AKAP6: variants seen among roughly 807,000 people sequenced by gnomAD.
The protein encoded by AKAP6 is A-kinase anchoring protein 6.
In AKAP6, 58 loss-of-function variants were observed where a neutral mutation model predicts 188.5. The observed-to-expected ratio is 0.31, with a 90% confidence interval of 0.25 to 0.38. AKAP6 has a LOEUF of 0.38. Ranked by LOEUF, AKAP6 falls within the 10% of genes least tolerant of loss-of-function variation. The pLI, the probability that AKAP6 is intolerant of heterozygous loss-of-function variation, is 1.00. For synonymous variants in AKAP6, 989 were observed against 998.6 expected (o/e 0.99, Z 0.18); for missense variants, 2,710 against 2,740.0 (o/e 0.99, Z 0.24).
At chr14:32,335,708 T>A (rs763405042) in intron 1 of AKAP6, among the ~76,000 whole-genome samples, 12 of 152,164 alleles carry the variant, frequency 7.9e-5, no homozygotes, top group African/African-American at 2.9e-4. Context: ...GTTGGTTCAA[T>A]GTTTATATTA....
At chr14:32,371,930 C>T (rs1283912417) in intron 1 of AKAP6, among the ~76,000 whole-genome samples, 2 of 152,108 alleles carry the variant, frequency 1.3e-5, no homozygotes, top group Admixed American at 1.3e-4. Flanking sequence ...TCCTATTTCT[C>T]TTTCTCTCTC....
chr14:32,810,494 C>T (rs1248308693), intron 12 of AKAP6, among the ~76,000 whole-genome samples: 1 of 151,968 alleles, frequency 6.6e-6, no homozygotes, highest in Non-Finnish European at 1.5e-5. Flanking sequence ...CCCTTGAGGT[C>T]GCAAAAAGAA....
At chr14:32,358,388 CTGTT>C (rs1015424666) in intron 1 of AKAP6, among the ~76,000 whole-genome samples, 1 of 152,192 alleles carries the variant, frequency 6.6e-6, no homozygotes, top group African/African-American at 2.4e-5. Flanking sequence ...AACCAAAAAA[CTGTT>C]TGTTCTTGGC....
intron 1 of AKAP6, among the ~76,000 whole-genome samples, chr14:32,401,410 A>G (rs1889088178): frequency 6.6e-6 from 1 of 152,128 alleles, no homozygotes; most frequent in Non-Finnish European, 1.5e-5. Flanking sequence ...ATTTCAAATT[A>G]TGTTTTTTTA....
chr14:32,336,474 G>T (rs979305908), intron 1 of AKAP6, among the ~76,000 whole-genome samples: 3 of 152,100 alleles, frequency 2.0e-5, no homozygotes, highest in Admixed American at 6.6e-5. Context: ...AATATCATAT[G>T]CTAAGAGAAC....
intron 2 of AKAP6, among the ~76,000 whole-genome samples, chr14:32,529,305 G>A (rs181350213): frequency 5.3e-5 from 8 of 152,120 alleles, no homozygotes; most frequent in African/African-American, 1.7e-4. Flanking sequence ...ATTGACTTTT[G>A]TATATTAACC....
At chr14:32,466,623 C>T (rs1878450218) in intron 2 of AKAP6, among the ~76,000 whole-genome samples, 1 of 150,258 alleles carries the variant, frequency 6.7e-6, no homozygotes, top group African/African-American at 2.5e-5. Context: ...ATACCTAATG[C>T]ATGCGGGGCT....
At chr14:32,727,279 A>G (rs2030919864) in intron 9 of AKAP6, among the ~76,000 whole-genome samples, 2 of 151,978 alleles carry the variant, frequency 1.3e-5, no homozygotes, top group Non-Finnish European at 2.9e-5. Flanking sequence ...GTTTTCAGTT[A>G]TTTGTGTTTT....
intron 2 of AKAP6, among the ~76,000 whole-genome samples, chr14:32,488,295 A>C (rs867566044): frequency 1.3e-5 from 2 of 152,322 alleles, no homozygotes; most frequent in Middle Eastern, 3.4e-3. Context: ...GCCTCCACCC[A>C]GTCCAAACTT....
At chr14:32,440,046 A>G (rs1890519233) in intron 2 of AKAP6, among the ~76,000 whole-genome samples, 1 of 152,216 alleles carries the variant, frequency 6.6e-6, no homozygotes, top group Non-Finnish European at 1.5e-5. Flanking sequence ...ATAAAGAGCT[A>G]AACAATGAAT....
chr14:32,828,813 A>G (rs2034749815), intron 13 of AKAP6, among the ~76,000 whole-genome samples: 1 of 151,918 alleles, frequency 6.6e-6, no homozygotes, highest in South Asian at 2.1e-4. Flanking sequence ...ATTTCATCCC[A>G]TCTGTTTCTG....
intron 11 of AKAP6, among the ~76,000 whole-genome samples, chr14:32,771,594 G>T (rs2032899628): frequency 6.6e-6 from 1 of 152,122 alleles, no homozygotes; most frequent in Non-Finnish European, 1.5e-5. Flanking sequence ...CTTTGAAAAT[G>T]CCTATAAGGT....
At chr14:32,799,181 C>T (rs1323841032) in intron 12 of AKAP6, among the ~76,000 whole-genome samples, 1 of 152,110 alleles carries the variant, frequency 6.6e-6, no homozygotes, top group Non-Finnish European at 1.5e-5. Context: ...CTTCATTTAT[C>T]CTTGCTCTCC....
At chr14:32,552,185 T>G (rs529667240) in intron 4 of AKAP6, among the ~76,000 whole-genome samples, 1 of 152,210 alleles carries the variant, frequency 6.6e-6, no homozygotes, top group Non-Finnish European at 1.5e-5. Flanking sequence ...AAACTGAGTT[T>G]AGAAAGATGA....
At chr14:32,632,698 A>T (rs1566616241) in intron 7 of AKAP6, among the ~76,000 whole-genome samples, 2 of 152,100 alleles carry the variant, frequency 1.3e-5, no homozygotes, top group Non-Finnish European at 2.9e-5. Flanking sequence ...TGAAAGCTAT[A>T]AATGACGAGC....
chr14:32,654,820 G>A (rs953802474), intron 7 of AKAP6, among the ~76,000 whole-genome samples: 2 of 151,044 alleles, frequency 1.3e-5, no homozygotes, highest in African/African-American at 2.4e-5. Flanking sequence ...CTGCACTCCA[G>A]TCTGGGTGAC....
At chr14:32,750,888 C>CGG (rs1349581540) in intron 11 of AKAP6, among the ~76,000 whole-genome samples, 1 of 151,718 alleles carries the variant, frequency 6.6e-6, no homozygotes, top group Non-Finnish European at 1.5e-5. Context: ...GCGCCTGCCA[C>CGG]CATGCCCGGC....
intron 1 of AKAP6, among the ~76,000 whole-genome samples, chr14:32,354,235 A>G (rs1446754441): frequency 6.6e-6 from 1 of 151,964 alleles, no homozygotes; most frequent in Non-Finnish European, 1.5e-5. Flanking sequence ...TAACCAAAAC[A>G]GCATGGTACT....
rs1002174056 is a variant in AKAP6, at chr14:32,343,286, C to T, written c.-35+13878C>T. On this transcript the variant is annotated intron_variant, in intron 1 of 13. Coordinates refer to ENST00000280979, the MANE Select transcript of AKAP6 (RefSeq NM_004274.5). ...GTGTGTAAAGCACCTAGCAGAGTGC[C>T]TAGGATACAGGAGGTGCTCTGGAGT... 2.0e-5 allele frequency among the ~76,000 whole-genome samples: 3 copies of T among 147,152 alleles called. No homozygotes were observed. In the East Asian group the frequency reaches 5.9e-4, roughly 29 times the overall value.
Sources: allele counts gnomAD v4.1 joint callset (sites outside exome capture counted in the v4.1 genomes callset), GRCh38; gene constraint gnomAD v4.1.1; transcripts MANE v1.5; gene names NCBI Gene and HGNC (gene_info 2026-07-23, HGNC 2026-07-21).